The following PRDM10 variants were observed in gnomAD, a reference collection of about 807,000 sequenced individuals.
The protein encoded by PRDM10 is PR/SET domain 10.
A neutral mutation model predicts 133.1 loss-of-function variants in PRDM10; 65 were observed. The ratio of observed to expected loss-of-function variants is 0.49; its 90% CI spans 0.40 to 0.60. The LOEUF is 0.60. PRDM10 is among the 20% of genes least tolerant of loss of function. PRDM10 has a pLI of 0.00. For synonymous variants in PRDM10, 582 were observed against 580.4 expected, an observed-to-expected ratio of 1.00 and a Z score of -0.04; for missense variants, 1,137 against 1,507.1, an observed-to-expected ratio of 0.75 and a Z score of 4.07.
Position 129,918,527 on chromosome 11 carries a change from C to G in PRDM10, c.2214+12G>C. The G allele has an allele frequency of 2.5e-6, 4 of 1,611,436 alleles. No homozygotes were observed. The highest frequency in any genetic ancestry group is 3.4e-6 in the Non-Finnish European group (4 of 1,178,672). On this transcript the variant is annotated intron_variant, in intron 14 of 20. Transcript: ENST00000360871. This position sits in a 1 kb window ranked among gnomAD's most constrained non-coding sequence, Gnocchi z 5.3. ...GGGAAGACAGAGGAACCCGCAGCCACTGGGCACTGACCAGCATGCCGCGCC... is the reference window on the plus strand; with the variant it reads ...GGGAAGACAGAGGAACCCGCAGCCAGTGGGCACTGACCAGCATGCCGCGCC...
rs533394689 is a variant in PRDM10 at position 129,983,314 on chromosome 11, A to G, written c.-119+19408T>C. On this transcript the variant is annotated intron_variant, in intron 1 of 20. Transcript: ENST00000360871. The stretch of plus-strand genomic sequence containing the variant: ...TTATTTCTCCTTTTTTTTTTTTTTT[A>G]GACGGAGTCTCGCTCTGTCACCCAG... Among the ~76,000 whole-genome samples the G allele has an allele frequency of 2.2e-3, 287 of 129,982 alleles. 6 individuals are homozygous for G. The highest frequency in any genetic ancestry group is 7.4e-4 in the East Asian group (3 of 4,060). 85.3% of individuals were successfully genotyped at this position (129,982 alleles called of 152,430 possible). A position where few individuals can be genotyped will look rare whatever the true frequency, so the allele number is the denominator to read the frequency against.
intron 2 of PRDM10, among the ~76,000 whole-genome samples, chr11:129,960,147 TA>T (rs1165442133): frequency 6.6e-6 from 1 of 152,184 alleles, no homozygotes; most frequent in Non-Finnish European, 1.5e-5. Context: ...TCTGCATACT[TA>T]AATGTTTCAA....
Position 129,910,555 on chromosome 11 carries a change from C to T in PRDM10, c.3084G>A (p.Gln1028=), listed in dbSNP as rs1950155721. 1 of 1,613,902 alleles carries T rather than the reference C, an allele frequency of 6.2e-7. No homozygotes were observed. Among genetic ancestry groups the T allele is most frequent in the Non-Finnish European group, 8.5e-7 (1 of 1,179,830 alleles). The part of the protein sequence containing the change: ...GSSSTQGQAL[Q]QQQQQQQNSS... ...AATTCTGCTGCTGCTGCTGCTGCTG[C>T]TGCAGAGCCTGCCCCTGTGTGGAAG... is the stretch of plus-strand genomic sequence containing the variant. The change falls in exon 19 of 21, where the codon CAG becomes CAA. Residue 1028 remains glutamine, a synonymous_variant. Coordinates refer to ENST00000360871, the MANE Select transcript of PRDM10 (RefSeq NM_199437.2).
At chr11:129,922,932 T>G (rs573823124) in intron 13 of PRDM10, among the ~76,000 whole-genome samples, 1 of 152,354 alleles carries the variant, frequency 6.6e-6, no homozygotes, top group African/African-American at 2.4e-5. Flanking sequence ...GATCTGAATG[T>G]TAAGTAAAGG....
Position 129,957,381 on chromosome 11 carries a change from C to T in PRDM10, c.234+365G>A, listed in dbSNP as rs188786973. On this transcript the variant is annotated intron_variant, in intron 3 of 20. Coordinates refer to ENST00000360871, the MANE Select transcript of PRDM10 (RefSeq NM_199437.2). ...TCACCCAGGCTGGAGTGCAGTGGCG[C>T]GATCTCGGCTCACTGCAACCTCCGC... 1.2e-4 allele frequency among the ~76,000 whole-genome samples: 18 copies of T among 152,180 alleles called. 1 individual carries two copies. Among genetic ancestry groups the T allele is most frequent in the South Asian group, 1.0e-3 (5 of 4,814 alleles).
At chr11:129,907,912 G>A (rs1389983344) in intron 19 of PRDM10, among the ~76,000 whole-genome samples, 2 of 150,976 alleles carry the variant, frequency 1.3e-5, no homozygotes, top group African/African-American at 2.4e-5. Context: ...GCAACACAGC[G>A]AGATCTCATC....
intron 1 of PRDM10, among the ~76,000 whole-genome samples, chr11:129,988,819 C>T (rs758165545): frequency 3.9e-5 from 6 of 151,950 alleles, no homozygotes; most frequent in Non-Finnish European, 8.8e-5. Flanking sequence ...TTAACAGAGA[C>T]GGGGTTTCAC....
intron 1 of PRDM10, among the ~76,000 whole-genome samples, chr11:129,976,527 C>A (rs1409503939): frequency 1.3e-5 from 2 of 152,170 alleles, no homozygotes; most frequent in Non-Finnish European, 2.9e-5. Context: ...AACTTATGTT[C>A]AGAAAAGAAA....
At chr11:129,915,963 T>C in intron 15 of PRDM10, 103 bp from the exon 16 acceptor site, 1 of 1,107,902 alleles carries the variant, frequency 9.0e-7, no homozygotes, top group Non-Finnish European at 1.3e-6. Flanking sequence ...AAAGTATTCA[T>C]GTAGCCCCAA....
In PRDM10 at chr11:129,914,869, C is replaced by T. The variant is rs117750366; in HGVS notation, c.2676G>A (p.Thr892=). The change falls in exon 17 of 21, where the codon ACG becomes ACA. Residue 892 remains threonine (T), a synonymous_variant. Coordinates refer to ENST00000360871, the MANE Select transcript of PRDM10 (RefSeq NM_199437.2). ...CTGTCATTGCTTGGGTGAGCAGGTC[C>T]GTCGTCACCACAGTCTCTCCAGTGG... is the stretch of plus-strand genomic sequence containing the variant. ...DSATGETVVT[T]DLLTQAMTEL... The T allele has an allele frequency of 0.026, 41,701 of 1,614,070 alleles. 621 individuals carry two copies. The highest frequency in any genetic ancestry group is 0.03 in the Non-Finnish European group (35,022 of 1,180,012).
chr11:129,963,263 C>A (rs1250558637), intron 1 of PRDM10, among the ~76,000 whole-genome samples: 1 of 151,894 alleles, frequency 6.6e-6, no homozygotes, highest in Admixed American at 6.6e-5. Flanking sequence ...AAAATCAGAG[C>A]CCGGCGTGGT....
intron 1 of PRDM10, among the ~76,000 whole-genome samples, chr11:129,991,191 T>G (rs1215740782): frequency 1.3e-5 from 2 of 152,212 alleles, no homozygotes; most frequent in African/African-American, 2.4e-5. Context: ...GTGAGGACCA[T>G]AGGCTGTTTT....
At chr11:129,986,133 G>A (rs1938429430) in intron 1 of PRDM10, among the ~76,000 whole-genome samples, 1 of 152,022 alleles carries the variant, frequency 6.6e-6, no homozygotes, top group East Asian at 1.9e-4. Flanking sequence ...AGTTAATGGA[G>A]GGGGCAGAGG....
In PRDM10 at chr11:129,944,990, C is replaced by T. The variant is rs773798562; in HGVS notation, c.543G>A (p.Ala181=). ...HDLWCEECNN[A]HASVCPKHGP... ...CGTGCTTCGGACACACTGAAGCATGCGCGTTATTGCACTCCTCACACCCTG... is the reference window on the plus strand; with the variant it reads ...CGTGCTTCGGACACACTGAAGCATGTGCGTTATTGCACTCCTCACACCCTG... The change falls in exon 6 of 21, where the codon GCG becomes GCA. Residue 181 remains alanine (A), a synonymous_variant. Coordinates refer to ENST00000360871, the MANE Select transcript of PRDM10 (RefSeq NM_199437.2). 2 of 1,611,956 alleles carry T rather than the reference C, an allele frequency of 1.2e-6. No individual in the cohort carries two copies. The highest frequency in any genetic ancestry group is 1.7e-5 in the Admixed American group (1 of 59,042).
intron 2 of PRDM10, among the ~76,000 whole-genome samples, chr11:129,958,293 A>T (rs911106123): frequency 1.3e-5 from 2 of 152,208 alleles, no homozygotes; most frequent in African/African-American, 2.4e-5. Flanking sequence ...CTGTCAACAC[A>T]TCATAAGAAT....
At chr11:129,914,556 G>A in intron 17 of PRDM10, 148 bp downstream of exon 17, 1 of 1,094,974 alleles carries the variant, frequency 9.1e-7, no homozygotes, top group Non-Finnish European at 1.4e-6. Context: ...TCATCAGCCT[G>A]AAAGGGGAAG....
intron 8 of PRDM10, among the ~76,000 whole-genome samples, chr11:129,936,992 G>A (rs938289273): frequency 3.3e-5 from 5 of 152,174 alleles, no homozygotes; most frequent in African/African-American, 1.2e-4. Context: ...ATACCATGTT[G>A]AGCAAAAGAT....
At chr11:129,935,363 T>C (rs1262519975) in intron 8 of PRDM10, 145 bp from the exon 9 acceptor site, 4 of 606,242 alleles carry the variant, frequency 6.6e-6, no homozygotes, top group East Asian at 5.4e-5. Context: ...ATTACTGTTC[T>C]ATCAAATCAA....
At chr11:129,988,125 A>C (rs1239387781) in intron 1 of PRDM10, among the ~76,000 whole-genome samples, 1 of 152,230 alleles carries the variant, frequency 6.6e-6, no homozygotes, top group Non-Finnish European at 1.5e-5. Context: ...CCATTTATGT[A>C]AAATATTATA....
Sources: allele counts gnomAD v4.1 joint callset (sites outside exome capture counted in the v4.1 genomes callset), GRCh38; gene constraint gnomAD v4.1.1; non-coding constraint Gnocchi (gnomAD v3.1); transcripts MANE v1.5; gene names NCBI Gene and HGNC (gene_info 2026-07-23, HGNC 2026-07-21).